AKR1B10: variants seen among roughly 807,000 people sequenced by gnomAD.
The protein encoded by AKR1B10 is aldo-keto reductase family 1 member B10, also known as ARP.
AKR1B10 carries 39 observed loss-of-function variants against 38.9 expected under a neutral mutation model. The ratio of observed to expected loss-of-function variants is 1.00; its 90% CI spans 0.78 to 1.31. The LOEUF (loss-of-function observed/expected upper bound fraction) is 1.31. AKR1B10 is among the 50% of genes most tolerant of loss of function. AKR1B10 has a pLI of 0.00. For missense variants in AKR1B10, 361 were observed against 382.6 expected (o/e 0.94, Z 0.47); for synonymous variants, 148 against 141.2 (o/e 1.05, Z -0.34).
In AKR1B10 at chr7:134,528,151, AAG is replaced by A. The variant is rs1167436680; in HGVS notation, c.66+175_66+176del. 2.6e-5 allele frequency among the ~76,000 whole-genome samples: 4 copies of A among 152,310 alleles called. No homozygotes were observed. The East Asian group carries it at 7.7e-4, about 29-fold the overall frequency. ...TTTCTCAGAGCTGATTCAGGCTGCA[AAG>A]CTCCAAGGCTGGCTTTCCCAGCAGT... On this transcript the variant is annotated intron_variant, in intron 1 of 9. Transcript: ENST00000359579.
In AKR1B10 at chr7:134,536,714, T is replaced by G; in HGVS notation, c.494T>G (p.Phe165Cys). Residue 165 changes from phenylalanine (F) to cysteine (C), a missense_variant, in exon 5 of 10, where the codon TTC becomes TGC. Around this residue, in one of 3 missense-constraint regions of AKR1B10, gnomAD observed 220 missense variants for 216.1 expected, o/e 1.02. Coordinates refer to ENST00000359579, the MANE Select transcript of AKR1B10 (RefSeq NM_020299.5). Reference sequence around the variant, plus strand: ...CTTGGGGTCTCCAATTTCAGCCACTTCCAGATCGAGAAGCTCTTGAACAAA... The same window carrying G: ...CTTGGGGTCTCCAATTTCAGCCACTGCCAGATCGAGAAGCTCTTGAACAAA... The part of the protein sequence containing the change: ...KALGVSNFSH[F>C]QIEKLLNKPG... 6.2e-7 allele frequency: 1 copy of G among 1,613,906 alleles called. No individual in the cohort carries two copies. Among genetic ancestry groups the G allele is most frequent in the Non-Finnish European group, 8.5e-7 (1 of 1,179,826 alleles).
At chr7:134,538,322 G>GAA (rs1562931967) in intron 8 of AKR1B10, 45 bp downstream of exon 8, 2 of 1,559,208 alleles carry the variant, frequency 1.3e-6, no homozygotes, top group Admixed American at 3.4e-5. Context: ...AGTGGAGTGG[G>GAA]GGACAGGCAG....
chr7:134,528,413 G>GACCTGGAAACTTGC, intron 1 of AKR1B10, among the ~76,000 whole-genome samples: 1 of 152,198 alleles, frequency 6.6e-6, no homozygotes, highest in African/African-American at 2.4e-5. Flanking sequence ...GCATCCCTAT[G>GACCTGGAAACTTGC]ACCTGGAAAC....
chr7:134,541,301 A>G lies in AKR1B10; in HGVS notation c.*212A>G, dbSNP rs1808145136. The G allele has an allele frequency of 2.0e-6, 1 of 499,838 alleles. No individual in the cohort carries two copies. Among genetic ancestry groups the G allele is most frequent in the Admixed American group, 3.9e-5 (1 of 25,508 alleles). 31.0% of individuals were successfully genotyped at this position (499,838 alleles called of 1,614,324 possible). A position where few individuals can be genotyped will look rare whatever the true frequency, so the allele number is the denominator to read the frequency against. ...ACAGAAAAGCATGGCTTGAATAAGG[A>G]AATGACAATTTTTTCCACTTATCTG... On this transcript the variant is annotated 3_prime_UTR_variant, in exon 10 of 10. Coordinates refer to ENST00000359579, the MANE Select transcript of AKR1B10 (RefSeq NM_020299.5).
At chr7:134,530,918 C>A in intron 2 of AKR1B10, 108 bp downstream of exon 2, 2 of 1,405,226 alleles carry the variant, frequency 1.4e-6, no homozygotes, top group South Asian at 2.8e-5. Context: ...TACCCCTTTT[C>A]ATCTCTGCCT....
At chr7:134,540,469 A>G (rs940489225) in intron 9 of AKR1B10, among the ~76,000 whole-genome samples, 5 of 152,162 alleles carry the variant, frequency 3.3e-5, no homozygotes, top group African/African-American at 1.2e-4. Flanking sequence ...CAATGGAGGC[A>G]ATGGGTTGGT....
chr7:134,527,999 C>T (rs200830270), intron 1 of AKR1B10, 22 bp downstream of exon 1: 3 of 1,612,916 alleles, frequency 1.9e-6, no homozygotes, highest in Non-Finnish European at 2.5e-6. Flanking sequence ...AATCTTTGCA[C>T]ACCCTTCTTC....
At chr7:134,533,181 A>C (rs2117543137) in intron 4 of AKR1B10, 100 bp downstream of exon 4, 1 of 962,836 alleles carries the variant, frequency 1.0e-6, no homozygotes, top group East Asian at 2.8e-5. Context: ...GATGCTTTCT[A>C]ATTTCATCAT....
chr7:134,540,435 AG>A (rs1275639910), intron 9 of AKR1B10, among the ~76,000 whole-genome samples: 1 of 152,114 alleles, frequency 6.6e-6, no homozygotes, highest in Non-Finnish European at 1.5e-5. Context: ...CCTTCCTATG[AG>A]CATCATTTCT....
chr7:134,528,456 G>T (rs1420704117), intron 1 of AKR1B10, among the ~76,000 whole-genome samples: 1 of 152,142 alleles, frequency 6.6e-6, no homozygotes, highest in Non-Finnish European at 1.5e-5. Flanking sequence ...AGGTGTGGTG[G>T]CTTATCCCTG....
intron 3 of AKR1B10, 76 bp downstream of exon 3, chr7:134,532,100 G>GGT: frequency 6.4e-7 from 1 of 1,568,380 alleles, no homozygotes; most frequent in Non-Finnish European, 8.8e-7. Flanking sequence ...AGGGCTGTGG[G>GGT]GTGGTGTGGA....
Position 134,541,394 on chromosome 7 carries a change from A to T in AKR1B10, c.*305A>T, listed in dbSNP as rs1808147527. The stretch of plus-strand genomic sequence containing the variant: ...CTGAGGATGTAAAGATCAATAAAAA[A>T]AATAATAATCATAACCAACATGTAT... On this transcript the variant is annotated 3_prime_UTR_variant, in exon 10 of 10. Coordinates refer to ENST00000359579, the MANE Select transcript of AKR1B10 (RefSeq NM_020299.5). 3.2e-6 allele frequency: 1 copy of T among 309,232 alleles called. No homozygotes were observed. The highest frequency in any genetic ancestry group is 5.9e-6 in the Non-Finnish European group (1 of 169,590). 19.2% of individuals were successfully genotyped at this position (309,232 alleles called of 1,614,324 possible).
chr7:134,532,679 T>G (rs113088554), intron 3 of AKR1B10, among the ~76,000 whole-genome samples: 1,597 of 152,340 alleles, frequency 0.01, 18 homozygotes, highest in African/African-American at 0.037. Flanking sequence ...TATCTAATCC[T>G]TATCCAGTAA....
chr7:134,537,276 C>G (rs1001961198), intron 6 of AKR1B10, 119 bp downstream of exon 6: 2 of 1,428,536 alleles, frequency 1.4e-6, no homozygotes, highest in Non-Finnish European at 1.9e-6. Flanking sequence ...TAAGGTAACA[C>G]GTTTGGTACA....
intron 1 of AKR1B10, among the ~76,000 whole-genome samples, chr7:134,530,299 G>C (rs1220317989): frequency 6.6e-6 from 1 of 152,200 alleles, no homozygotes; most frequent in Non-Finnish European, 1.5e-5. Flanking sequence ...AAAGGGAACT[G>C]ACTTTTAGCT....
chr7:134,532,114 G>C, intron 3 of AKR1B10, 90 bp downstream of exon 3: 1 of 1,479,644 alleles, frequency 6.8e-7, no homozygotes, highest in Non-Finnish European at 9.4e-7. Flanking sequence ...GTGTGGACTG[G>C]GGCAGGAGGC....
intron 4 of AKR1B10, among the ~76,000 whole-genome samples, chr7:134,533,348 G>A (rs567628944): frequency 2.2e-4 from 33 of 152,260 alleles, no homozygotes; most frequent in African/African-American, 7.0e-4. Flanking sequence ...AAACCAGGGC[G>A]AGGCATTTGG....
intron 9 of AKR1B10, among the ~76,000 whole-genome samples, chr7:134,539,285 T>C (rs563417916): frequency 2.0e-5 from 3 of 152,280 alleles, no homozygotes; most frequent in Admixed American, 2.0e-4. Flanking sequence ...CATTCATTTA[T>C]TCATTCATTC....
At chr7:134,538,843 T>G in intron 8 of AKR1B10, 92 bp from the exon 9 acceptor site, 1 of 1,448,348 alleles carries the variant, frequency 6.9e-7, no homozygotes, top group Non-Finnish European at 9.6e-7. Flanking sequence ...GTGCTGTGAA[T>G]GTGAGCTCCC....
Sources: gnomAD v4.1 joint callset for allele counts (sites outside exome capture counted in the v4.1 genomes callset) on GRCh38, gnomAD v4.1.1 for gene constraint, gnomAD v4.1.1 regional missense constraint, MANE v1.5 for transcripts, NCBI Gene and HGNC (gene_info 2026-07-23, HGNC 2026-07-21) for gene names.